The following KCNH5 variants were observed in gnomAD, a reference collection of about 807,000 sequenced individuals.
The protein encoded by KCNH5 is voltage-gated delayed rectifier potassium channel KCNH5.
Under a neutral mutation model 96.1 loss-of-function variants are expected in KCNH5, and 46 were observed. The ratio of observed to expected loss-of-function variants is 0.48; its 90% confidence interval spans 0.38 to 0.61. The LOEUF (loss-of-function observed/expected upper bound fraction) is 0.61. Among genes scored for constraint, KCNH5 ranks in the 20% least tolerant of loss-of-function variants. The pLI is 0.00. For synonymous variants in KCNH5, 439 were observed against 449.8 expected (o/e 0.98, Z 0.30); for missense variants, 907 against 1,225.8 (o/e 0.74, Z 3.88).
rs1891754471 is a variant in KCNH5, at chr14:63,038,036, C to T, written c.73+7078G>A. Among the ~76,000 whole-genome samples, 3 of 152,282 alleles carry T rather than the reference C, an allele frequency of 2.0e-5. No homozygotes were observed. In the South Asian group the frequency reaches 6.2e-4, roughly 32 times the overall value. The stretch of plus-strand genomic sequence containing the variant: ...TTGGAATAGGAAGTGAACATGGGAT[C>T]CATTTCATATTCCTTTCTCATCCTC... On this transcript the variant is annotated intron_variant, in intron 1 of 10. Coordinates refer to ENST00000322893, the MANE Select transcript of KCNH5 (RefSeq NM_139318.5).
chr14:62,846,246 G>T (rs770693908), intron 8 of KCNH5, among the ~76,000 whole-genome samples: 2 of 151,998 alleles, frequency 1.3e-5, no homozygotes, highest in African/African-American at 4.8e-5. Context: ...TATGTCCTCA[G>T]ATCGTTTTTC....
intron 8 of KCNH5, among the ~76,000 whole-genome samples, chr14:62,847,488 A>G (rs1360197824): frequency 1.3e-5 from 2 of 152,142 alleles, no homozygotes; most frequent in Non-Finnish European, 2.9e-5. Flanking sequence ...GGATAAATCA[A>G]TACAGGCATA....
chr14:62,819,124 G>A (rs191255059), intron 8 of KCNH5, among the ~76,000 whole-genome samples: 179 of 152,028 alleles, frequency 1.2e-3, no homozygotes, highest in African/African-American at 3.8e-3. Context: ...CCGCCACCAC[G>A]CCCAGCTAAT....
intron 1 of KCNH5, among the ~76,000 whole-genome samples, chr14:63,035,917 C>G (rs1039795441): frequency 3.9e-5 from 6 of 152,162 alleles, no homozygotes; most frequent in Non-Finnish European, 7.3e-5. Flanking sequence ...TCTGGAGAGC[C>G]TCAGTGTGTC....
At chr14:62,842,772 A>T (rs1211660213) in intron 8 of KCNH5, among the ~76,000 whole-genome samples, 3 of 152,214 alleles carry the variant, frequency 2.0e-5, no homozygotes, top group Non-Finnish European at 4.4e-5. Context: ...CTTTCATGTC[A>T]TATGTAAAAC....
intron 9 of KCNH5, among the ~76,000 whole-genome samples, chr14:62,786,116 A>G (rs1190902659): frequency 1.3e-5 from 2 of 152,092 alleles, no homozygotes; most frequent in Non-Finnish European, 2.9e-5. Context: ...GCTTGAACCC[A>G]GGAGGCGGAG....
intron 10 of KCNH5, among the ~76,000 whole-genome samples, chr14:62,744,258 A>T (rs1885330967): frequency 6.6e-6 from 1 of 152,174 alleles, no homozygotes; most frequent in African/African-American, 2.4e-5. Flanking sequence ...ATATTGAGGG[A>T]TTATAGCACA....
chr14:62,720,490 G>T (rs1360313152), intron 10 of KCNH5, among the ~76,000 whole-genome samples: 1 of 152,202 alleles, frequency 6.6e-6, no homozygotes, highest in African/African-American at 2.4e-5. Flanking sequence ...GGCTGAGGCA[G>T]GAGAATGGCG....
intron 10 of KCNH5, among the ~76,000 whole-genome samples, chr14:62,709,630 G>A (rs1354514427): frequency 6.6e-6 from 1 of 152,190 alleles, no homozygotes; most frequent in East Asian, 1.9e-4. Flanking sequence ...TAGTACAGGT[G>A]AGGGGTTAGA....
chr14:62,867,451 AT>A (rs561865057), intron 7 of KCNH5, among the ~76,000 whole-genome samples: 99 of 152,234 alleles, frequency 6.5e-4, no homozygotes, highest in African/African-American at 2.3e-3. Flanking sequence ...AGTTTTTAAC[AT>A]TTGCTAATGT....
At chr14:62,890,213 T>C (rs1888678028) in intron 7 of KCNH5, among the ~76,000 whole-genome samples, 2 of 152,036 alleles carry the variant, frequency 1.3e-5, no homozygotes, top group Non-Finnish European at 2.9e-5. Flanking sequence ...ATCGCACCAA[T>C]AGCAAAAATT....
At chr14:62,833,255 C>T (rs912556602) in intron 8 of KCNH5, among the ~76,000 whole-genome samples, 7 of 151,844 alleles carry the variant, frequency 4.6e-5, no homozygotes, top group African/African-American at 1.7e-4. Flanking sequence ...CATATGTTTT[C>T]TTCTAGTAGT....
chr14:62,812,546 T>C (rs1886893667), intron 8 of KCNH5, among the ~76,000 whole-genome samples: 1 of 152,124 alleles, frequency 6.6e-6, no homozygotes, highest in African/African-American at 2.4e-5. Context: ...ATCACTTTCA[T>C]GCACTATGGT....
chr14:62,818,989 C>T (rs183545772), intron 8 of KCNH5, among the ~76,000 whole-genome samples: 45 of 152,116 alleles, frequency 3.0e-4, no homozygotes, highest in Admixed American at 8.5e-4. Context: ...TTTTTTGAGA[C>T]GGAGTCTCGC....
At chr14:62,816,514 G>A (rs935811114) in intron 8 of KCNH5, among the ~76,000 whole-genome samples, 1 of 151,944 alleles carries the variant, frequency 6.6e-6, no homozygotes, top group South Asian at 2.1e-4. Context: ...AGTTGAAATA[G>A]GATAGCAATA....
intron 7 of KCNH5, among the ~76,000 whole-genome samples, chr14:62,881,593 T>C (rs879496791): frequency 1.3e-5 from 2 of 152,100 alleles, no homozygotes; most frequent in Non-Finnish European, 2.9e-5. Flanking sequence ...AGTTTACCTA[T>C]ATAAGAATGT....
chr14:62,822,615 C>G (rs1887137728), intron 8 of KCNH5, among the ~76,000 whole-genome samples: 1 of 151,212 alleles, frequency 6.6e-6, no homozygotes, highest in African/African-American at 2.4e-5. Flanking sequence ...ACCCTCAAAC[C>G]TTACATACAC....
At chr14:62,727,867 C>G (rs923885778) in intron 10 of KCNH5, among the ~76,000 whole-genome samples, 1 of 149,330 alleles carries the variant, frequency 6.7e-6, no homozygotes, top group African/African-American at 2.5e-5. Context: ...AAGTACTAAA[C>G]AGACTAAACG....
At chr14:62,957,119 G>A (rs1890119258) in intron 6 of KCNH5, among the ~76,000 whole-genome samples, 1 of 152,124 alleles carries the variant, frequency 6.6e-6, no homozygotes, top group Admixed American at 6.6e-5. Context: ...TACTTGACAA[G>A]CCCCTCAGGC....
Sources: allele counts gnomAD v4.1 joint callset (sites outside exome capture counted in the v4.1 genomes callset), GRCh38; gene constraint gnomAD v4.1.1; transcripts MANE v1.5; gene names NCBI Gene and HGNC (gene_info 2026-07-23, HGNC 2026-07-21).